Variants in CHRM5 observed in about 807,000 individuals in gnomAD.
The protein encoded by CHRM5 is muscarinic acetylcholine receptor M5.
A neutral mutation model predicts 39.0 loss-of-function variants in CHRM5; 18 were observed. That is an observed-to-expected ratio of 0.46 (90% CI 0.32 to 0.68). The LOEUF is 0.68. Ranked by LOEUF, CHRM5 falls within the 30% of genes least tolerant of loss-of-function variation. The probability of loss-of-function intolerance (pLI) is 0.04; values close to 1 mark genes in which losing one functional copy is unlikely to be tolerated. For missense variants in CHRM5, 515 were observed against 651.1 expected (o/e 0.79, Z 2.28); for synonymous variants, 241 against 246.3 (o/e 0.98, Z 0.20).
intron 1 of CHRM5, among the ~76,000 whole-genome samples, chr15:33,997,217 A>G (rs1447715939): frequency 6.6e-6 from 1 of 152,220 alleles, no homozygotes; most frequent in Non-Finnish European, 1.5e-5. Context: ...ATTTAAAACA[A>G]TGCACTGAAA....
chr15:34,014,391 C>CAA (rs1332707712), intron 1 of CHRM5, among the ~76,000 whole-genome samples: 2 of 30,946 alleles, frequency 6.5e-5, no homozygotes, highest in East Asian at 5.9e-4. Flanking sequence ...AAAACAAAAA[C>CAA]AAAAACCACG....
intron 1 of CHRM5, chr15:34,039,002 T>G (rs1440529659): frequency 1.8e-5 from 20 of 1,116,538 alleles, no homozygotes; most frequent in Non-Finnish European, 1.1e-6. Flanking sequence ...GGCCGCGGCC[T>G]GGCCGCCGCC....
intron 1 of CHRM5, among the ~76,000 whole-genome samples, chr15:33,992,439 G>A (rs956365777): frequency 2.6e-5 from 4 of 152,056 alleles, no homozygotes; most frequent in African/African-American, 7.2e-5. Flanking sequence ...TCAATATTCA[G>A]CTACAAGGAA....
intron 2 of CHRM5, among the ~76,000 whole-genome samples, chr15:34,049,460 T>C (rs1899849201): frequency 6.6e-6 from 1 of 152,148 alleles, no homozygotes; most frequent in Non-Finnish European, 1.5e-5. Flanking sequence ...ATCGCAGAGT[T>C]TGAAGACTAT....
chr15:34,011,197 A>C (rs1047442315), intron 1 of CHRM5, among the ~76,000 whole-genome samples: 11 of 152,124 alleles, frequency 7.2e-5, no homozygotes, highest in African/African-American at 2.7e-4. Context: ...GTCTCAAAAA[A>C]AACTTTGTTT....
chr15:33,983,446 C>T (rs1896278552), intron 1 of CHRM5, among the ~76,000 whole-genome samples: 1 of 151,864 alleles, frequency 6.6e-6, no homozygotes. Flanking sequence ...ACAAGAATAG[C>T]ACCATTTATA....
intron 1 of CHRM5, among the ~76,000 whole-genome samples, chr15:33,986,555 A>AT (rs1391608607): frequency 6.6e-6 from 1 of 152,156 alleles, no homozygotes; most frequent in Non-Finnish European, 1.5e-5. Flanking sequence ...AAACTTAATG[A>AT]TTTTTTAAAA....
At chr15:34,051,718 G>A (rs974432438) in intron 2 of CHRM5, among the ~76,000 whole-genome samples, 1 of 152,110 alleles carries the variant, frequency 6.6e-6, no homozygotes, top group South Asian at 2.1e-4. Flanking sequence ...ACACTTCTAT[G>A]CACGTAAACT....
rs549451184 is a variant in CHRM5 at position 33,974,352 on chromosome 15, C to T, written c.-408+5202C>T. 2.3e-4 allele frequency among the ~76,000 whole-genome samples: 35 copies of T among 152,338 alleles called. No individual in the cohort carries two copies. In the South Asian group the frequency reaches 6.8e-3, roughly 30 times the overall value. On this transcript the variant is annotated intron_variant, in intron 1 of 2. Transcript: ENST00000383263. ...CTACCTGCCCCCTCTCCCTCTTTCA[C>T]TCTCTGTGAGGAATGAATCTTTGCA...
chr15:33,992,281 T>C (rs1375954148), intron 1 of CHRM5, among the ~76,000 whole-genome samples: 2 of 151,932 alleles, frequency 1.3e-5, no homozygotes, highest in East Asian at 3.9e-4. Context: ...TCCCAGCTAC[T>C]CGGGAGGCTG....
chr15:33,994,142 G>A (rs1896840239), intron 1 of CHRM5, among the ~76,000 whole-genome samples: 2 of 152,156 alleles, frequency 1.3e-5, no homozygotes, highest in Admixed American at 6.5e-5. Flanking sequence ...GTGAGTGGTG[G>A]GCAAGTGAGC....
intron 1 of CHRM5, among the ~76,000 whole-genome samples, chr15:34,045,520 T>C (rs1426575051): frequency 2.6e-5 from 4 of 152,206 alleles, no homozygotes. Flanking sequence ...GCCTACTTTG[T>C]CTTGATTTGT....
intron 1 of CHRM5, among the ~76,000 whole-genome samples, chr15:34,021,110 G>A (rs768608707): frequency 2.6e-5 from 4 of 152,024 alleles, no homozygotes; most frequent in African/African-American, 9.7e-5. Context: ...GTTCTTCCCC[G>A]ATGAAGAGTC....
chr15:34,024,790 G>A (rs148341617), intron 1 of CHRM5, among the ~76,000 whole-genome samples: 7,759 of 151,708 alleles, frequency 0.051, 662 homozygotes, highest in African/African-American at 0.18. Flanking sequence ...GAACCCAAGA[G>A]GCAGAGGTTG....
intron 1 of CHRM5, among the ~76,000 whole-genome samples, chr15:34,012,234 G>GA (rs1447954892): frequency 1.3e-5 from 2 of 151,918 alleles, no homozygotes; most frequent in Non-Finnish European, 2.9e-5. Flanking sequence ...GTTATGATCT[G>GA]AGAGAAAAGA....
intron 2 of CHRM5, among the ~76,000 whole-genome samples, chr15:34,054,942 C>G (rs534603150): frequency 2.0e-5 from 3 of 152,310 alleles, no homozygotes; most frequent in South Asian, 4.1e-4. Flanking sequence ...CCTGTAATCC[C>G]AGCACTTTGG....
At chr15:34,050,735 A>T (rs1899900422) in intron 2 of CHRM5, among the ~76,000 whole-genome samples, 3 of 152,228 alleles carry the variant, frequency 2.0e-5, no homozygotes, top group Admixed American at 2.0e-4. Flanking sequence ...TAAACCAATA[A>T]GATCAAAAAA....
intron 1 of CHRM5, among the ~76,000 whole-genome samples, chr15:34,034,560 T>C (rs1899029239): frequency 6.6e-6 from 1 of 152,186 alleles, no homozygotes; most frequent in African/African-American, 2.4e-5. Context: ...CTCTGATCCA[T>C]TGATAAAAAT....
At chr15:33,984,704 T>C (rs1385001964) in intron 1 of CHRM5, among the ~76,000 whole-genome samples, 1 of 152,146 alleles carries the variant, frequency 6.6e-6, no homozygotes, top group Non-Finnish European at 1.5e-5. Flanking sequence ...ACCCAGCCTA[T>C]TCATAGTAGG....
Sources: allele counts gnomAD v4.1 joint callset (sites outside exome capture counted in the v4.1 genomes callset), GRCh38; gene constraint gnomAD v4.1.1; transcripts MANE v1.5; gene names NCBI Gene and HGNC (gene_info 2026-07-23, HGNC 2026-07-21).